The following PLXNC1 variants were observed in gnomAD, a reference collection of about 807,000 sequenced individuals.
The protein encoded by PLXNC1 is plexin-C1.
In PLXNC1, 75 loss-of-function variants were observed where a neutral mutation model predicts 178.2. The observed-to-expected ratio is 0.42, with a 90% CI of 0.35 to 0.51. PLXNC1 has a LOEUF of 0.51. Ranked by LOEUF, PLXNC1 falls within the 20% of genes least tolerant of loss-of-function variation. The probability of loss-of-function intolerance (pLI) is 0.02; values close to 1 mark genes in which losing one functional copy is unlikely to be tolerated. For missense variants in PLXNC1, 1,503 were observed against 1,984.4 expected (o/e 0.76, Z 4.61); for synonymous variants, 790 against 779.9 (o/e 1.01, Z -0.22).
chr12:94,163,873 G>A (rs192885919), intron 1 of PLXNC1, among the ~76,000 whole-genome samples: 7 of 152,262 alleles, frequency 4.6e-5, no homozygotes, highest in Admixed American at 3.3e-4. Context: ...AGCCTTCCTA[G>A]CTAATAAAAT....
At position 94,265,022 on chromosome 12, in the gene PLXNC1, T is replaced by G. The variant is rs960806808; in HGVS notation, c.3451-57T>G. ...GCTGTAAACAGAAACTTTAATTCTTTGGAAAGTACAGTGGATTCCACAGAA... is the reference window on the plus strand; with the variant it reads ...GCTGTAAACAGAAACTTTAATTCTTGGGAAAGTACAGTGGATTCCACAGAA... On this transcript the variant is annotated intron_variant, in intron 20 of 30. Coordinates refer to ENST00000258526, the MANE Select transcript of PLXNC1 (RefSeq NM_005761.3). 16 of 1,551,330 alleles carry G rather than the reference T, an allele frequency of 1.0e-5. No homozygotes were observed. In the African/African-American group the frequency reaches 2.2e-4, roughly 21 times the overall value.
At chr12:94,183,847 C>T (rs1231127505) in intron 3 of PLXNC1, among the ~76,000 whole-genome samples, 1 of 152,144 alleles carries the variant, frequency 6.6e-6, no homozygotes, top group Non-Finnish European at 1.5e-5. Context: ...CTGGTTAGCC[C>T]TGCATTCTTC....
Position 94,259,330 on chromosome 12 carries a change from C to T in PLXNC1, c.3088-7C>T. On this transcript the variant is annotated splice_region_variant and splice_polypyrimidine_tract_variant and intron_variant, in intron 17 of 30. Transcript: ENST00000258526. ...TATGAATAATAAAAGTGTCTCCTTC[C>T]TCTCAGTCAGGTGGCTTCACCCACA... is the stretch of plus-strand genomic sequence containing the variant. 6.3e-7 allele frequency: 1 copy of T among 1,586,384 alleles called. No individual in the cohort carries two copies. Among genetic ancestry groups the T allele is most frequent in the Non-Finnish European group, 8.6e-7 (1 of 1,166,438 alleles).
rs143035082 is a variant in PLXNC1 at position 94,154,921 on chromosome 12, A to G, written c.1062+4888A>G. On this transcript the variant is annotated intron_variant, in intron 1 of 30. Coordinates refer to ENST00000258526, the MANE Select transcript of PLXNC1 (RefSeq NM_005761.3). The stretch of plus-strand genomic sequence containing the variant: ...GACTTCAGAAATATTTGTTGAATGA[A>G]TAAATGAAGGATCGTAGAGAATCAT... Among the ~76,000 whole-genome samples, 348 of 152,364 alleles carry G rather than the reference A, an allele frequency of 2.3e-3. 1 individual carries two copies. Among genetic ancestry groups the G allele is most frequent in the Non-Finnish European group, 4.1e-3 (276 of 68,026 alleles).
At chr12:94,224,633 G>T (rs149304044) in intron 7 of PLXNC1, among the ~76,000 whole-genome samples, 71 of 152,304 alleles carry the variant, frequency 4.7e-4, no homozygotes, top group African/African-American at 1.5e-3. Flanking sequence ...GCCAGGTGTG[G>T]TGGCTCACAT....
At chr12:94,235,620 A>G (rs1289962680) in intron 9 of PLXNC1, among the ~76,000 whole-genome samples, 1 of 152,218 alleles carries the variant, frequency 6.6e-6, no homozygotes. Flanking sequence ...AATGTTTTCT[A>G]CAAAGAGCCA....
At position 94,193,281 on chromosome 12, in the gene PLXNC1, G is replaced by A. The variant is rs147416248; in HGVS notation, c.1439+6808G>A. 1.2e-4 allele frequency among the ~76,000 whole-genome samples: 19 copies of A among 152,294 alleles called. 1 individual carries two copies. Among genetic ancestry groups the A allele is most frequent in the African/African-American group, 4.1e-4 (17 of 41,556 alleles). On this transcript the variant is annotated intron_variant, in intron 4 of 30. Transcript: ENST00000258526. ...AGAACTCTGGGGTGCAAGGTGGACC[G>A]GAGGGGACTGAGAAGAGCTGGCAGA...
chr12:94,303,686 C>A, intron 28 of PLXNC1, 70 bp from the exon 29 acceptor site: 1 of 1,199,986 alleles, frequency 8.3e-7, no homozygotes, highest in Admixed American at 3.1e-5. Flanking sequence ...ATTATAAATT[C>A]CTCCATCTTT....
intron 5 of PLXNC1, among the ~76,000 whole-genome samples, chr12:94,214,491 CAAGT>C (rs1963586636): frequency 6.6e-6 from 1 of 152,122 alleles, no homozygotes; most frequent in Non-Finnish European, 1.5e-5. Context: ...ATTCAAGAAA[CAAGT>C]AATACAAATT....
intron 21 of PLXNC1, chr12:94,278,113 T>C (rs1966121502): frequency 2.2e-6 from 1 of 450,184 alleles, no homozygotes; most frequent in Non-Finnish European, 4.5e-6. Context: ...TCTCCCTTCC[T>C]TCTTGCCTGT....
At chr12:94,153,701 C>T (rs1379032481) in intron 1 of PLXNC1, among the ~76,000 whole-genome samples, 1 of 152,210 alleles carries the variant, frequency 6.6e-6, no homozygotes, top group Non-Finnish European at 1.5e-5. Flanking sequence ...GTCCACAGGA[C>T]TCTAGATCAT....
intron 5 of PLXNC1, among the ~76,000 whole-genome samples, chr12:94,215,524 C>T (rs1963618618): frequency 1.3e-5 from 2 of 150,540 alleles, no homozygotes; most frequent in African/African-American, 4.9e-5. Context: ...TCAATTTAGG[C>T]AAGACCACTC....
chr12:94,182,907 C>CTATCTA (rs1555196307), intron 3 of PLXNC1, among the ~76,000 whole-genome samples: 1 of 133,756 alleles, frequency 7.5e-6, no homozygotes, highest in African/African-American at 2.6e-5. Flanking sequence ...ATCTATCTAT[C>CTATCTA]ATCTATCTAT....
chr12:94,239,324 C>T (rs73366647), intron 10 of PLXNC1, among the ~76,000 whole-genome samples: 2,937 of 152,216 alleles, frequency 0.019, 102 homozygotes, highest in African/African-American at 0.067. Context: ...AGTGGAATGA[C>T]CTACATTTTC....
chr12:94,307,650 A>AAAAT lies in PLXNC1; in HGVS notation c.*2369_*2372dup, dbSNP rs1257659442. ...GAATGTTTTAAATGTCTATATCCAAAAAATAAACATTTTGATGTAACTGTG... is the reference window on the plus strand; with the variant it reads ...GAATGTTTTAAATGTCTATATCCAAAAAATAAATAAACATTTTGATGTAACTGTG... On this transcript the variant is annotated 3_prime_UTR_variant, in exon 31 of 31. Coordinates refer to ENST00000258526, the MANE Select transcript of PLXNC1 (RefSeq NM_005761.3). 1 of 151,282 alleles carries AAAAT rather than the reference A, an allele frequency of 6.6e-6. No homozygotes were observed. The allele number at this position is 151,282 out of a possible 1,614,324, so 9.4% of individuals were successfully genotyped here.
chr12:94,242,739 G>A (rs1410587065), intron 11 of PLXNC1, among the ~76,000 whole-genome samples: 1 of 152,168 alleles, frequency 6.6e-6, no homozygotes, highest in Non-Finnish European at 1.5e-5. Flanking sequence ...CATTGATGTG[G>A]CATGCCCCAT....
In PLXNC1 at chr12:94,283,338, A is replaced by G. The variant is rs116795138; in HGVS notation, c.3879+937A>G. 8.1e-3 allele frequency among the ~76,000 whole-genome samples: 1,239 copies of G among 152,280 alleles called. 17 individuals are homozygous for G. The highest frequency in any genetic ancestry group is 0.028 in the African/African-American group (1,149 of 41,550). Reference sequence around the variant, plus strand: ...AGGGAAGGGAGAGCATGCGTGTTAGACTAGTCAAAACTTGAGAGGGGCAAT... The same window carrying G: ...AGGGAAGGGAGAGCATGCGTGTTAGGCTAGTCAAAACTTGAGAGGGGCAAT... On this transcript the variant is annotated intron_variant, in intron 23 of 30. Coordinates refer to ENST00000258526, the MANE Select transcript of PLXNC1 (RefSeq NM_005761.3).
intron 4 of PLXNC1, among the ~76,000 whole-genome samples, chr12:94,191,449 G>T (rs1962720522): frequency 6.6e-6 from 1 of 152,266 alleles, no homozygotes; most frequent in East Asian, 1.9e-4. Flanking sequence ...GTGGGGAGAG[G>T]CAAGAAAACT....
chr12:94,280,054 C>G (rs1386610666), intron 22 of PLXNC1: 1 of 347,254 alleles, frequency 2.9e-6, no homozygotes, highest in Non-Finnish European at 5.6e-6. Context: ...CGTGTCATTA[C>G]TGGGTGGCTC....
Sources: gnomAD v4.1 joint callset for allele counts (sites outside exome capture counted in the v4.1 genomes callset) on GRCh38, gnomAD v4.1.1 for gene constraint, MANE v1.5 for transcripts, NCBI Gene and HGNC (gene_info 2026-07-23, HGNC 2026-07-21) for gene names.